The following MED12 variants were observed in gnomAD, a reference collection of about 807,000 sequenced individuals.
The protein encoded by MED12 is mediator complex subunit 12, also known as mediator of RNA polymerase II transcription subunit 12.
Under a neutral mutation model 177.7 loss-of-function variants are expected in MED12, and 10 were observed. That is an observed-to-expected ratio of 0.06 (90% CI 0.03 to 0.10). MED12 has a LOEUF of 0.10. Ranked by LOEUF, MED12 falls within the 10% of genes least tolerant of loss-of-function variation. The pLI, the probability that MED12 is intolerant of heterozygous loss-of-function variation, is 1.00. For missense variants in MED12, 867 were observed against 1,780.8 expected, an observed-to-expected ratio of 0.49 and a Z score of 9.23; for synonymous variants, 641 against 678.4, an observed-to-expected ratio of 0.94 and a Z score of 0.86.
Position 71,141,309 on chromosome X carries a change from A to G in MED12, c.6347A>G (p.His2116Arg). 1 of 1,167,338 alleles carries G rather than the reference A, an allele frequency of 8.6e-7. No individual in the cohort carries two copies. Among genetic ancestry groups the G allele is most frequent in the Non-Finnish European group, 1.1e-6 (1 of 872,576 alleles). The change falls in exon 43 of 45, where the codon CAC becomes CGC. Residue 2116 changes from histidine (H) to arginine (R), a missense_variant. His to Arg is a conservative substitution (Grantham distance 29). Transcript: ENST00000374080. ...CAGCAGCAACAGCAACAACAGCAACACCAGCAGCAACAGCAGCAACAGGCG... is the reference window on the plus strand; with the variant it reads ...CAGCAGCAACAGCAACAACAGCAACGCCAGCAGCAACAGCAGCAACAGGCG... ...QQQQQQQQQQ[H>R]QQQQQQQAAP...
At chrX:71,133,951 C>T (rs984847158) in intron 33 of MED12, among the ~76,000 whole-genome samples, 1 of 110,467 alleles carries the variant, frequency 9.1e-6, no homozygotes, top group African/African-American at 3.3e-5. Flanking sequence ...CAAGCATGGC[C>T]GGGCGCGGTG....
Position 71,128,816 on chromosome X carries a change from T to C in MED12, c.3475+98T>C, listed in dbSNP as rs1445662794. 7 of 1,026,599 alleles carry C rather than the reference T, an allele frequency of 6.8e-6. No homozygotes were observed. The African/African-American group carries it at 9.3e-5, about 14-fold the overall frequency. 84.6% of individuals were successfully genotyped at this position (1,026,599 alleles called of 1,213,427 possible). A position where few individuals can be genotyped will look rare whatever the true frequency, so the allele number is the denominator to read the frequency against. ...CATTGTTCACTGTGGGAGACCTTGC[T>C]GCGGCTCCCTGGCCTTCCTCAGAAG... On this transcript the variant is annotated intron_variant, in intron 24 of 44. Coordinates refer to ENST00000374080, the MANE Select transcript of MED12 (RefSeq NM_005120.3).
chrX:71,120,798 C>CG (rs918249212), intron 4 of MED12, among the ~76,000 whole-genome samples, 173 bp from the exon 5 acceptor site: 1 of 110,772 alleles, frequency 9.0e-6, no homozygotes, highest in African/African-American at 3.3e-5. Flanking sequence ...TTTCTAGAGA[C>CG]GGGGTTTCAC....
chrX:71,131,541 C>T lies in MED12; in HGVS notation c.4048-9C>T, dbSNP rs764266330. The T allele has an allele frequency of 8.3e-7, 1 of 1,208,004 alleles. No homozygotes were observed. Among genetic ancestry groups the T allele is most frequent in the African/African-American group, 1.8e-5 (1 of 56,820 alleles). Reference sequence around the variant, plus strand: ...GATGACTAGCCTGGGTGTGGGGCCTCTATCACAGAACTTGGACCAGTGGAC... The same window carrying T: ...GATGACTAGCCTGGGTGTGGGGCCTTTATCACAGAACTTGGACCAGTGGAC... On this transcript the variant is annotated splice_polypyrimidine_tract_variant and intron_variant, in intron 28 of 44. Coordinates refer to ENST00000374080, the MANE Select transcript of MED12 (RefSeq NM_005120.3).
chrX:71,127,698 C>T (rs969866882), intron 21 of MED12, 195 bp from the exon 22 acceptor site: 2 of 480,443 alleles, frequency 4.2e-6, no homozygotes, highest in Non-Finnish European at 7.2e-6. Context: ...TCCTCACTGC[C>T]TTCAGAGGCC....
chrX:71,133,624 G>A (rs1278126948), intron 33 of MED12, among the ~76,000 whole-genome samples: 2 of 110,659 alleles, frequency 1.8e-5, no homozygotes, highest in Middle Eastern at 4.7e-3. Context: ...ATGAGCCACC[G>A]TGCCCAGCCT....
Position 71,122,752 on chromosome X carries a change from C to T in MED12, c.1363C>T (p.Arg455Trp), listed in dbSNP as rs1268612180. The stretch of plus-strand genomic sequence containing the variant: ...TTCCTCCTTAGGCTTCACCATTGGA[C>T]GGGTACTTCATACTTTGGAAGTGCT... ...QEATAGFTIG[R>W]VLHTLEVLDS... The change falls in exon 10 of 45, where the codon CGG (arginine) becomes TGG (tryptophan). Residue 455 changes from arginine (R) to tryptophan (W), a missense_variant. Coordinates refer to ENST00000374080, the MANE Select transcript of MED12 (RefSeq NM_005120.3). The T allele has an allele frequency of 6.6e-6, 8 of 1,211,811 alleles. No homozygotes were observed. The highest frequency in any genetic ancestry group is 6.5e-5 in the Admixed American group (3 of 46,055).
At chrX:71,131,529 G>A in intron 28 of MED12, 21 bp from the exon 29 acceptor site, 1 of 1,206,728 alleles carries the variant, frequency 8.3e-7, no homozygotes, top group Non-Finnish European at 1.1e-6. Context: ...GACTAGCCTG[G>A]GTGTGGGGCC....
rs746727639 is a variant in MED12, at chrX:71,126,367, C to T, written c.2568C>T (p.Ile856=). 3 of 1,211,996 alleles carry T rather than the reference C, an allele frequency of 2.5e-6. No individual in the cohort carries two copies. The East Asian group carries it at 8.9e-5, about 36-fold the overall frequency. Reference sequence around the variant, plus strand: ...TCTCCCGGAATGTTCTGGAGCAGATCACGAGCTTTGCCCTTGGCATGTCAT... The same window carrying T: ...TCTCCCGGAATGTTCTGGAGCAGATTACGAGCTTTGCCCTTGGCATGTCAT... ...AQVSRNVLEQ[I]TSFALGMSYH... The change falls in exon 19 of 45, where the codon ATC becomes ATT. Residue 856 remains isoleucine (I), a synonymous_variant. Coordinates refer to ENST00000374080, the MANE Select transcript of MED12 (RefSeq NM_005120.3).
intron 8 of MED12, 47 bp downstream of exon 8, chrX:71,122,393 T>C (rs1401069608): frequency 1.7e-6 from 2 of 1,203,251 alleles, no homozygotes; most frequent in Non-Finnish European, 2.3e-6. Context: ...GCTATGAGGC[T>C]AAATTACTCT....
At position 71,134,741 on chromosome X, in the gene MED12, C is replaced by T. The variant is rs2092327880; in HGVS notation, c.4756C>T (p.Leu1586=). The change falls in exon 35 of 45, where the codon CTG becomes TTG. Residue 1586 remains leucine (L), a synonymous_variant. Coordinates refer to ENST00000374080, the MANE Select transcript of MED12 (RefSeq NM_005120.3). The part of the protein sequence containing the change: ...NELFTTVLDM[L]SVLINGTLAA... ...GCTCTTCACTACTGTGTTGGACATG[C>T]TGAGCGTGCTCATCAATGGGACATT... is the stretch of plus-strand genomic sequence containing the variant. 1 of 1,210,978 alleles carries T rather than the reference C, an allele frequency of 8.3e-7. No homozygotes were observed. The highest frequency in any genetic ancestry group is 1.8e-5 in the South Asian group (1 of 56,983).
intron 28 of MED12, among the ~76,000 whole-genome samples, chrX:71,130,814 C>G (rs2092314988): frequency 8.9e-6 from 1 of 112,308 alleles, no homozygotes; most frequent in South Asian, 3.6e-4. Flanking sequence ...AAAAATAAAG[C>G]CGTTGAGGAA....
At chrX:71,139,637 G>A (rs963156863) in intron 41 of MED12, among the ~76,000 whole-genome samples, 1 of 111,159 alleles carries the variant, frequency 9.0e-6, no homozygotes, top group African/African-American at 3.3e-5. Flanking sequence ...GGTGGCTCAT[G>A]CCTGTAATCC....
At chrX:71,130,530 G>A (rs1179770595) in intron 28 of MED12, among the ~76,000 whole-genome samples, 2 of 112,752 alleles carry the variant, frequency 1.8e-5, no homozygotes, top group African/African-American at 6.4e-5. Context: ...CATGGCTCAG[G>A]AACTGAATAG....
rs915335433 is a variant in MED12 at position 71,126,148 on chromosome X, G to A, written c.2535G>A (p.Thr845=). 3 of 1,198,905 alleles carry A rather than the reference G, an allele frequency of 2.5e-6. No homozygotes were observed. Among genetic ancestry groups the A allele is most frequent in the South Asian group, 1.8e-5 (1 of 56,580 alleles). ...CACATTATGACCAACACCAGGTCACGGCTCAGGTGTGGGCCTAAGCCCAGC... is the reference window on the plus strand; with the variant it reads ...CACATTATGACCAACACCAGGTCACAGCTCAGGTGTGGGCCTAAGCCCAGC... ...HLSHYDQHQV[T]AQVSRNVLEQ... is the part of the protein sequence containing the mutation. The change falls in exon 18 of 45, where the codon ACG becomes ACA. Residue 845 remains threonine, a synonymous_variant. Transcript: ENST00000374080.
At chrX:71,126,532 T>C (rs2092303724) in intron 19 of MED12, 48 bp downstream of exon 19, 1 of 1,195,613 alleles carries the variant, frequency 8.4e-7, no homozygotes, top group Non-Finnish European at 1.1e-6. Flanking sequence ...TCATGCCATA[T>C]AGCGGCTACG....
intron 17 of MED12, 133 bp from the exon 18 acceptor site, chrX:71,125,903 T>C (rs1322981784): frequency 1.9e-6 from 1 of 521,144 alleles, no homozygotes. Flanking sequence ...TCCCTCTTCC[T>C]TCCTTCCCTC....
intron 29 of MED12, among the ~76,000 whole-genome samples, 175 bp from the exon 30 acceptor site, chrX:71,131,898 T>G (rs1230514332): frequency 9.0e-6 from 1 of 111,223 alleles, no homozygotes; most frequent in East Asian, 2.8e-4. Context: ...CAGTGAGGAA[T>G]TGGAGAAATA....
intron 24 of MED12, 112 bp downstream of exon 24, chrX:71,128,830 C>A: frequency 1.0e-6 from 1 of 976,236 alleles, no homozygotes; most frequent in Non-Finnish European, 1.4e-6. Context: ...GCTCCCTGGC[C>A]TTCCTCAGAA....
Sources: gnomAD v4.1 joint callset for allele counts (sites outside exome capture counted in the v4.1 genomes callset) on GRCh38, gnomAD v4.1.1 for gene constraint, MANE v1.5 for transcripts, NCBI Gene and HGNC (gene_info 2026-07-23, HGNC 2026-07-21) for gene names.